TAS2R1: variants seen among roughly 807,000 people sequenced by gnomAD.
TAS2R1 encodes the protein taste receptor type 2 member 1.
For synonymous variants in TAS2R1, 141 were observed against 134.2 expected, an observed-to-expected ratio of 1.05 and a Z score of -0.35; for missense variants, 370 against 353.4, an observed-to-expected ratio of 1.05 and a Z score of -0.38.
chr5:9,719,016 G>T, the TAS2R1 span, among the ~76,000 whole-genome samples: 1 of 152,168 alleles, frequency 6.6e-6, no homozygotes, highest in African/African-American at 2.4e-5. Flanking sequence ...TGTTACAAAG[G>T]ATATTAATTA....
intron 1 of TAS2R1, among the ~76,000 whole-genome samples, chr5:9,689,878 G>A (rs1457935670): frequency 2.6e-5 from 4 of 151,898 alleles, no homozygotes; most frequent in African/African-American, 9.7e-5. Flanking sequence ...ACATATCCTC[G>A]GATGAAGTAA....
At chr5:9,651,269 G>T (rs1048036605) in intron 2 of TAS2R1, among the ~76,000 whole-genome samples, 1 of 152,122 alleles carries the variant, frequency 6.6e-6, no homozygotes, top group East Asian at 1.9e-4. Context: ...CCTCATTGTG[G>T]TATTAAATCT....
At chr5:9,657,616 C>T (rs1323895311) in intron 2 of TAS2R1, among the ~76,000 whole-genome samples, 2 of 152,284 alleles carry the variant, frequency 1.3e-5, no homozygotes, top group East Asian at 1.9e-4. Context: ...ACATGGAGGA[C>T]ATTAAGCTGA....
At chr5:9,707,176 C>T (rs977694225) in intron 1 of TAS2R1, among the ~76,000 whole-genome samples, 1 of 152,122 alleles carries the variant, frequency 6.6e-6, no homozygotes, top group African/African-American at 2.4e-5. Flanking sequence ...ATGGATTTTT[C>T]TGAAGGCTCG....
At chr5:9,830,605 G>GCGCACACACACACACACA in the TAS2R1 span, among the ~76,000 whole-genome samples, 1 of 149,708 alleles carries the variant, frequency 6.7e-6, no homozygotes, top group Admixed American at 6.6e-5. Flanking sequence ...ACGTGCGCGC[G>GCGCACACACACACACACA]CACACACACA....
the TAS2R1 span, among the ~76,000 whole-genome samples, chr5:9,794,033 G>C: frequency 6.6e-6 from 1 of 152,198 alleles, no homozygotes; most frequent in Non-Finnish European, 1.5e-5. Flanking sequence ...ATTTAGGAAT[G>C]AACTGTGTAA....
chr5:9,818,732 G>A, the TAS2R1 span, among the ~76,000 whole-genome samples: 2 of 152,294 alleles, frequency 1.3e-5, no homozygotes, highest in Non-Finnish European at 1.5e-5. Flanking sequence ...AGACTCAGTC[G>A]CAAGTCCATC....
chr5:9,631,618 T>C (rs758991038), upstream of TAS2R1, among the ~76,000 whole-genome samples: 1 of 152,222 alleles, frequency 6.6e-6, no homozygotes, highest in Non-Finnish European at 1.5e-5. Context: ...GAATTAAAGC[T>C]TCTCCAACTT....
the TAS2R1 span, among the ~76,000 whole-genome samples, chr5:9,810,850 C>A: frequency 1.3e-5 from 2 of 152,136 alleles, no homozygotes; most frequent in Non-Finnish European, 2.9e-5. Flanking sequence ...AAATGTTGCA[C>A]TATTTTCACA....
chr5:9,805,309 C>A, the TAS2R1 span, among the ~76,000 whole-genome samples: 14 of 152,186 alleles, frequency 9.2e-5, no homozygotes, highest in Admixed American at 5.2e-4. Context: ...CGAATTCTAT[C>A]AGACATTCAA....
intron 1 of TAS2R1, among the ~76,000 whole-genome samples, chr5:9,706,287 C>G (rs1169779068): frequency 6.6e-6 from 1 of 152,156 alleles, no homozygotes; most frequent in African/African-American, 2.4e-5. Context: ...GGAAGTAGAG[C>G]CCTGGCCATA....
the TAS2R1 span, chr5:9,867,210 T>C: frequency 6.6e-6 from 1 of 152,190 alleles, no homozygotes; most frequent in Non-Finnish European, 1.5e-5. Flanking sequence ...GAATTGGTTT[T>C]TGTTGAACTC....
At chr5:9,818,246 G>A in the TAS2R1 span, among the ~76,000 whole-genome samples, 1 of 152,128 alleles carries the variant, frequency 6.6e-6, no homozygotes, top group Non-Finnish European at 1.5e-5. Flanking sequence ...GCCATATTAA[G>A]GGGAGGCTGT....
the TAS2R1 span, among the ~76,000 whole-genome samples, chr5:9,851,811 G>A: frequency 1.6e-3 from 247 of 152,276 alleles, no homozygotes; most frequent in African/African-American, 5.8e-3. Flanking sequence ...GAAGCTAAGA[G>A]CCTTAAAGAC....
intron 2 of TAS2R1, among the ~76,000 whole-genome samples, chr5:9,658,944 T>C (rs896305124): frequency 2.0e-5 from 3 of 152,136 alleles, no homozygotes; most frequent in Non-Finnish European, 4.4e-5. Context: ...TTCCACAAAA[T>C]CCTCACACTC....
intron 1 of TAS2R1, among the ~76,000 whole-genome samples, chr5:9,697,108 A>G (rs956438215): frequency 2.6e-5 from 4 of 152,116 alleles, no homozygotes; most frequent in Non-Finnish European, 4.4e-5. Context: ...AGAGAAGGAG[A>G]GAAAGAAATA....
At chr5:9,697,679 A>G (rs550653532) in intron 1 of TAS2R1, among the ~76,000 whole-genome samples, 119 of 152,306 alleles carry the variant, frequency 7.8e-4, no homozygotes, top group Admixed American at 1.0e-3. Flanking sequence ...CTATTTGCCA[A>G]AAAATGTTCA....
the TAS2R1 span, among the ~76,000 whole-genome samples, chr5:9,896,643 CCCCAAAAA>C: frequency 6.6e-6 from 1 of 152,144 alleles, no homozygotes; most frequent in Non-Finnish European, 1.5e-5. Flanking sequence ...TTACTTTGTG[CCCCAAAAA>C]CAAGGGCTAA....
chr5:9,841,440 C>T, the TAS2R1 span, among the ~76,000 whole-genome samples: 1 of 152,112 alleles, frequency 6.6e-6, no homozygotes, highest in Non-Finnish European at 1.5e-5. Context: ...ATATTTTCTA[C>T]TTTCTTAGTT....
Sources: gnomAD v4.1 joint callset for allele counts (sites outside exome capture counted in the v4.1 genomes callset) on GRCh38, gnomAD v4.1.1 for gene constraint, MANE v1.5 for transcripts, NCBI Gene and HGNC (gene_info 2026-07-23, HGNC 2026-07-21) for gene names.